The following PLEKHA5 variants were observed in gnomAD, a reference collection of about 807,000 sequenced individuals.
PLEKHA5 encodes the protein pleckstrin homology domain containing A5.
PLEKHA5 carries 55 observed loss-of-function variants against 181.9 expected under a neutral mutation model. The observed-to-expected ratio is 0.30, with a 90% CI of 0.24 to 0.38. PLEKHA5 has a LOEUF of 0.38. Ranked by LOEUF, PLEKHA5 falls within the 10% of genes least tolerant of loss-of-function variation. The pLI, the probability that PLEKHA5 is intolerant of heterozygous loss-of-function variation, is 1.00. For missense variants in PLEKHA5, 1,432 were observed against 1,549.5 expected (o/e 0.92, Z 1.27); for synonymous variants, 535 against 529.4 (o/e 1.01, Z -0.15).
chr12:19,333,725 C>A lies in PLEKHA5; in HGVS notation c.2449-2790C>A, dbSNP rs548710731. On this transcript the variant is annotated intron_variant, in intron 20 of 31. Transcript: ENST00000429027. ...CCAGGTTCAAGCAATTCTCCTGTCT[C>A]GGCCTCCCAAGTAGCTGGGACTACA... is the stretch of plus-strand genomic sequence containing the variant. 4.0e-5 allele frequency among the ~76,000 whole-genome samples: 6 copies of A among 150,702 alleles called. No individual in the cohort carries two copies. The East Asian group carries it at 1.2e-3, about 30-fold the overall frequency.
At chr12:19,365,622 G>C (rs1297951791) in intron 29 of PLEKHA5, among the ~76,000 whole-genome samples, 2 of 152,072 alleles carry the variant, frequency 1.3e-5, no homozygotes, top group Non-Finnish European at 2.9e-5. Context: ...GAAAATTTAA[G>C]CACTGACTGG....
intron 3 of PLEKHA5, among the ~76,000 whole-genome samples, chr12:19,195,504 C>CA (rs1197454529): frequency 6.6e-6 from 1 of 151,090 alleles, no homozygotes; most frequent in Non-Finnish European, 1.5e-5. Flanking sequence ...CCTGTCTCTA[C>CA]AAAAAAATAC....
chr12:19,138,170 A>T (rs1222998401), intron 3 of PLEKHA5, among the ~76,000 whole-genome samples: 2 of 152,198 alleles, frequency 1.3e-5, no homozygotes, highest in Non-Finnish European at 2.9e-5. Context: ...TTGTTAGCAG[A>T]TGCTCTTTTC....
rs76086511 is a variant in PLEKHA5, at chr12:19,335,157, G to A, written c.2449-1358G>A. Among the ~76,000 whole-genome samples the A allele has an allele frequency of 8.6e-3, 1,287 of 148,960 alleles. 17 individuals carry two copies. The highest frequency in any genetic ancestry group is 0.03 in the African/African-American group (1,215 of 40,724). On this transcript the variant is annotated intron_variant, in intron 20 of 31. Coordinates refer to ENST00000429027, the MANE Select transcript of PLEKHA5 (RefSeq NM_001256470.2). The stretch of plus-strand genomic sequence containing the variant: ...AATCCTCCCACCTCAGCCCTGCCCC[G>A]AGTAGCTGGGACCACAGGCAAGCGC...
In PLEKHA5 at chr12:19,365,949, A is replaced by G. The variant is rs976472399; in HGVS notation, c.3609-15A>G. On this transcript the variant is annotated splice_polypyrimidine_tract_variant and intron_variant, in intron 29 of 31. Coordinates refer to ENST00000429027, the MANE Select transcript of PLEKHA5 (RefSeq NM_001256470.2). Reference sequence around the variant, plus strand: ...TATAGTGACAAATTTTTAAATACCAATCTATTTTCATCAGCCCTCAAGATG... The same window carrying G: ...TATAGTGACAAATTTTTAAATACCAGTCTATTTTCATCAGCCCTCAAGATG... 2.1e-5 allele frequency: 33 copies of G among 1,571,022 alleles called. No homozygotes were observed. The highest frequency in any genetic ancestry group is 2.6e-5 in the Non-Finnish European group (30 of 1,165,368).
chr12:19,280,494 C>T (rs937621176), intron 11 of PLEKHA5, among the ~76,000 whole-genome samples: 17 of 152,062 alleles, frequency 1.1e-4, no homozygotes, highest in African/African-American at 2.9e-4. Flanking sequence ...TTAATCCCTT[C>T]GGGTCCATGT....
At chr12:19,244,110 A>G (rs2063182284) in intron 3 of PLEKHA5, among the ~76,000 whole-genome samples, 1 of 152,158 alleles carries the variant, frequency 6.6e-6, no homozygotes, top group Non-Finnish European at 1.5e-5. Context: ...GGCTGAGTTG[A>G]TTTAATAACT....
At chr12:19,245,566 A>G (rs1423777110) in intron 3 of PLEKHA5, among the ~76,000 whole-genome samples, 1 of 151,756 alleles carries the variant, frequency 6.6e-6, no homozygotes, top group Non-Finnish European at 1.5e-5. Flanking sequence ...CGTCTCTACT[A>G]AAAATACAAA....
At chr12:19,162,781 G>A (rs1037877098) in intron 3 of PLEKHA5, among the ~76,000 whole-genome samples, 22 of 152,136 alleles carry the variant, frequency 1.4e-4, no homozygotes, top group African/African-American at 5.3e-4. Context: ...TAAGAGTGTT[G>A]TTCTCAGGAC....
At chr12:19,167,183 T>C (rs1014189541) in intron 3 of PLEKHA5, among the ~76,000 whole-genome samples, 3 of 152,138 alleles carry the variant, frequency 2.0e-5, no homozygotes, top group Admixed American at 2.0e-4. Flanking sequence ...GGAGCAGTAA[T>C]CTGATCTCAG....
Position 19,347,053 on chromosome 12 carries a change from G to C in PLEKHA5, c.2769G>C (p.Gln923His). 6.4e-7 allele frequency: 1 copy of C among 1,551,614 alleles called. No homozygotes were observed. The highest frequency in any genetic ancestry group is 8.7e-7 in the Non-Finnish European group (1 of 1,146,794). Residue 923 changes from glutamine to histidine, a missense_variant, in exon 24 of 32, where the codon CAG becomes CAC. By Grantham distance (24) the Gln-to-His change is conservative. Transcript: ENST00000429027. ...CTCGGTCCTATGACTTTACAGAGCA[G>C]CCTCCCATAATCCCCCCTCTGCCCA... ...PLPRSYDFTEQPPIIPPLPSD... is the reference protein window; with the variant it reads ...PLPRSYDFTEHPPIIPPLPSD...
intron 3 of PLEKHA5, among the ~76,000 whole-genome samples, chr12:19,141,175 C>A (rs563754670): frequency 1.3e-5 from 2 of 152,290 alleles, no homozygotes; most frequent in African/African-American, 2.4e-5. Flanking sequence ...ACCCCTCCCC[C>A]CCAACAGAAA....
At chr12:19,334,711 T>C (rs2093184589) in intron 20 of PLEKHA5, among the ~76,000 whole-genome samples, 1 of 148,882 alleles carries the variant, frequency 6.7e-6, no homozygotes, top group South Asian at 2.1e-4. Context: ...CTAGATGTGG[T>C]GGCTCACACC....
chr12:19,275,022 T>G (rs756330335), intron 11 of PLEKHA5, 39 bp downstream of exon 11: 1 of 1,368,558 alleles, frequency 7.3e-7, no homozygotes, highest in East Asian at 2.3e-5. Context: ...CAGGTTTCTT[T>G]GATGCTGTGT....
Position 19,287,344 on chromosome 12 carries a change from A to C in PLEKHA5, c.1780-129A>C, listed in dbSNP as rs2077441894. ...ATGTCAAGAAATGTTAGTCTCTATC[A>C]TCTTTCATAAGCACTAATAGCAATT... On this transcript the variant is annotated intron_variant, in intron 12 of 31. Coordinates refer to ENST00000429027, the MANE Select transcript of PLEKHA5 (RefSeq NM_001256470.2). 4.3e-6 allele frequency: 3 copies of C among 697,518 alleles called. No individual in the cohort carries two copies. The African/African-American group carries it at 5.4e-5, about 13-fold the overall frequency. 43.2% of individuals were successfully genotyped at this position (697,518 alleles called of 1,614,324 possible). A position where few individuals can be genotyped will look rare whatever the true frequency, so the allele number is the denominator to read the frequency against.
intron 8 of PLEKHA5, among the ~76,000 whole-genome samples, chr12:19,268,827 T>C (rs1187689382): frequency 2.6e-5 from 4 of 152,160 alleles, no homozygotes; most frequent in Non-Finnish European, 5.9e-5. Context: ...CAGTAACATT[T>C]TGTAGGTGGT....
chr12:19,284,325 T>C (rs2076784726), intron 12 of PLEKHA5, among the ~76,000 whole-genome samples: 1 of 152,112 alleles, frequency 6.6e-6, no homozygotes, highest in South Asian at 2.1e-4. Flanking sequence ...GGCCTCAGCC[T>C]CCCAAAGTGC....
intron 15 of PLEKHA5, among the ~76,000 whole-genome samples, chr12:19,299,643 A>G (rs2080906055): frequency 6.6e-6 from 1 of 152,202 alleles, no homozygotes; most frequent in Admixed American, 6.5e-5. Context: ...CACATTTGTA[A>G]CAGAGTAGTA....
At chr12:19,323,829 AAAAG>A (rs1484034904) in intron 20 of PLEKHA5, among the ~76,000 whole-genome samples, 2 of 151,842 alleles carry the variant, frequency 1.3e-5, no homozygotes, top group Non-Finnish European at 2.9e-5. Flanking sequence ...AAAAAAAAAA[AAAAG>A]AAAGAAATGT....
Sources: gnomAD v4.1 joint callset for allele counts (sites outside exome capture counted in the v4.1 genomes callset) on GRCh38, gnomAD v4.1.1 for gene constraint, MANE v1.5 for transcripts, NCBI Gene and HGNC (gene_info 2026-07-23, HGNC 2026-07-21) for gene names.